Variants in HS6ST3 observed in about 807,000 individuals in gnomAD.
HS6ST3 encodes heparan-sulfate 6-O-sulfotransferase 3.
A neutral mutation model predicts 36.7 loss-of-function variants in HS6ST3; 12 were observed. The ratio of observed to expected loss-of-function variants is 0.33; its 90% CI spans 0.21 to 0.53. The LOEUF (loss-of-function observed/expected upper bound fraction) is 0.53. HS6ST3 is among the 20% of genes least tolerant of loss of function. The pLI, the probability that HS6ST3 is intolerant of heterozygous loss-of-function variation, is 0.95. For missense variants in HS6ST3, 584 were observed against 640.9 expected (o/e 0.91, Z 0.96); for synonymous variants, 240 against 257.5 (o/e 0.93, Z 0.65).
In HS6ST3 at chr13:96,393,948, A is replaced by G. The variant is rs144718244; in HGVS notation, c.707+302379A>G. Among the ~76,000 whole-genome samples the G allele has an allele frequency of 4.5e-4, 68 of 152,350 alleles. No individual in the cohort carries two copies. In the South Asian group the frequency reaches 8.1e-3, roughly 18 times the overall value. ...AGATGCTAGTGATCGTTTTTAGCTC[A>G]TGATGCCAGAAAATGGTTCAATAAT... is the stretch of plus-strand genomic sequence containing the variant. On this transcript the variant is annotated intron_variant, in intron 1 of 1. Transcript: ENST00000376705.
intron 1 of HS6ST3, among the ~76,000 whole-genome samples, chr13:96,346,387 A>G (rs2055154622): frequency 6.6e-6 from 1 of 152,096 alleles, no homozygotes; most frequent in Non-Finnish European, 1.5e-5. Flanking sequence ...ATCCTGGCTA[A>G]AACGGTGAAA....
chr13:96,538,159 G>A (rs990711857), intron 1 of HS6ST3, among the ~76,000 whole-genome samples: 1 of 152,206 alleles, frequency 6.6e-6, no homozygotes, highest in Admixed American at 6.5e-5. Flanking sequence ...CAGCATATTA[G>A]CAAAGCATTT....
At chr13:96,433,543 CTT>C (rs2055626700) in intron 1 of HS6ST3, among the ~76,000 whole-genome samples, 1 of 152,190 alleles carries the variant, frequency 6.6e-6, no homozygotes, top group South Asian at 2.1e-4. Flanking sequence ...TGCACATGCT[CTT>C]TTACCTGTGA....
In HS6ST3 at chr13:96,833,372, G is replaced by T. The variant is rs1011202448; in HGVS notation, c.*174G>T. On this transcript the variant is annotated 3_prime_UTR_variant, in exon 2 of 2. Transcript: ENST00000376705. ...TATCCAGCTGGAGATTATCCGTCTT[G>T]TTCTTTTTTTTCTTGACATTTTGCA... The T allele has an allele frequency of 1.2e-5, 7 of 606,698 alleles. No homozygotes were observed. In the African/African-American group the frequency reaches 1.3e-4, roughly 11 times the overall value. The allele number at this position is 606,698 out of a possible 1,614,324, so 37.6% of individuals were successfully genotyped here.
At chr13:96,394,377 A>G (rs1033551433) in intron 1 of HS6ST3, among the ~76,000 whole-genome samples, 2 of 151,916 alleles carry the variant, frequency 1.3e-5, no homozygotes, top group African/African-American at 4.8e-5. Context: ...ACGTCTTGAG[A>G]TAAGGGATAA....
chr13:96,261,298 A>G (rs1189152846), intron 1 of HS6ST3, among the ~76,000 whole-genome samples: 1 of 150,054 alleles, frequency 6.7e-6, no homozygotes, highest in African/African-American at 2.4e-5. Context: ...ATATACACAT[A>G]TATATGTGAA....
At chr13:96,818,966 A>C (rs1878477270) in intron 1 of HS6ST3, among the ~76,000 whole-genome samples, 1 of 152,238 alleles carries the variant, frequency 6.6e-6, no homozygotes, top group South Asian at 2.1e-4. Context: ...AGTGTGTTGA[A>C]ACTTCTTAAG....
At chr13:96,589,055 GAA>G (rs774694159) in intron 1 of HS6ST3, among the ~76,000 whole-genome samples, 8 of 51,414 alleles carry the variant, frequency 1.6e-4, no homozygotes, top group Admixed American at 2.0e-4. Context: ...CATCTCAAGA[GAA>G]AAAAAAAAAA....
intron 1 of HS6ST3, among the ~76,000 whole-genome samples, chr13:96,641,349 C>A (rs945320477): frequency 6.7e-6 from 1 of 148,872 alleles, no homozygotes; most frequent in African/African-American, 2.5e-5. Flanking sequence ...TGCTACTGAT[C>A]TTTGGACATT....
At chr13:96,386,470 T>C (rs1594768754) in intron 1 of HS6ST3, among the ~76,000 whole-genome samples, 1 of 152,106 alleles carries the variant, frequency 6.6e-6, no homozygotes, top group African/African-American at 2.4e-5. Flanking sequence ...TTTGTTCTTT[T>C]CCCCCCAGCT....
intron 1 of HS6ST3, among the ~76,000 whole-genome samples, chr13:96,614,297 CAAAAAAAAAAAAAAAA>C (rs67979751): frequency 9.1e-5 from 4 of 43,972 alleles, no homozygotes; most frequent in Admixed American, 4.2e-4. Flanking sequence ...GGATCCATCT[CAAAAAAAAAAAAAAAA>C]AAAAAAAAAA....
At chr13:96,742,588 A>G (rs939617092) in intron 1 of HS6ST3, among the ~76,000 whole-genome samples, 1 of 152,272 alleles carries the variant, frequency 6.6e-6, no homozygotes, top group South Asian at 2.1e-4. Flanking sequence ...ACTCATGCAC[A>G]TCTTAAAAGA....
chr13:96,430,840 T>A (rs2055611620), intron 1 of HS6ST3, among the ~76,000 whole-genome samples: 1 of 152,132 alleles, frequency 6.6e-6, no homozygotes, highest in Non-Finnish European at 1.5e-5. Flanking sequence ...GTCCTCCTAT[T>A]TCCATGTTTC....
chr13:96,405,841 T>C (rs2055475709), intron 1 of HS6ST3, among the ~76,000 whole-genome samples: 1 of 152,206 alleles, frequency 6.6e-6, no homozygotes, highest in South Asian at 2.1e-4. Flanking sequence ...TTTGGTTTCT[T>C]TTTAAGGAGT....
chr13:96,525,702 A>G (rs549637474), intron 1 of HS6ST3, among the ~76,000 whole-genome samples: 1 of 152,354 alleles, frequency 6.6e-6, no homozygotes, highest in African/African-American at 2.4e-5. Flanking sequence ...CTTTGGTCTC[A>G]TTATCAAGTT....
intron 1 of HS6ST3, among the ~76,000 whole-genome samples, chr13:96,780,077 C>G (rs373737955): frequency 6.6e-6 from 1 of 152,130 alleles, no homozygotes; most frequent in Non-Finnish European, 1.5e-5. Flanking sequence ...ACCTGGAACA[C>G]AGTTCCTAAG....
At chr13:96,260,455 G>T (rs2054659931) in intron 1 of HS6ST3, among the ~76,000 whole-genome samples, 1 of 151,412 alleles carries the variant, frequency 6.6e-6, no homozygotes, top group Non-Finnish European at 1.5e-5. Context: ...GGGACTACAG[G>T]TGCCCACCAC....
At chr13:96,265,178 A>G (rs970518562) in intron 1 of HS6ST3, among the ~76,000 whole-genome samples, 3 of 151,992 alleles carry the variant, frequency 2.0e-5, no homozygotes, top group Admixed American at 1.3e-4. Flanking sequence ...ATTAATATGC[A>G]CACACTTTTT....
intron 1 of HS6ST3, among the ~76,000 whole-genome samples, chr13:96,270,345 T>A (rs1202954642): frequency 1.3e-5 from 2 of 151,978 alleles, no homozygotes; most frequent in Non-Finnish European, 2.9e-5. Context: ...GTCTATGGGA[T>A]TTTATTATGG....
Sources: gnomAD v4.1 joint callset for allele counts (sites outside exome capture counted in the v4.1 genomes callset) on GRCh38, gnomAD v4.1.1 for gene constraint, MANE v1.5 for transcripts, NCBI Gene and HGNC (gene_info 2026-07-23, HGNC 2026-07-21) for gene names.